STXBP5L: variants seen among roughly 807,000 people sequenced by gnomAD.
The protein encoded by STXBP5L is syntaxin-binding protein 5-like.
In STXBP5L, 65 loss-of-function variants were observed where a neutral mutation model predicts 144.5. That is an observed-to-expected ratio of 0.45 (90% CI 0.37 to 0.55). The LOEUF (loss-of-function observed/expected upper bound fraction) is 0.55. STXBP5L is among the 20% of genes least tolerant of loss of function. The probability of loss-of-function intolerance (pLI) is 0.00; values close to 1 mark genes in which losing one functional copy is unlikely to be tolerated. For synonymous variants in STXBP5L, 505 were observed against 469.6 expected, an observed-to-expected ratio of 1.08 and a Z score of -0.97; for missense variants, 1,298 against 1,405.5, an observed-to-expected ratio of 0.92 and a Z score of 1.22.
intron 20 of STXBP5L, among the ~76,000 whole-genome samples, chr3:121,325,195 G>C (rs532503392): frequency 6.6e-6 from 1 of 151,848 alleles, no homozygotes; most frequent in East Asian, 1.9e-4. Context: ...AGGCATTATC[G>C]CAAAATGACT....
intron 3 of STXBP5L, among the ~76,000 whole-genome samples, chr3:121,035,930 T>C (rs188143492): frequency 3.7e-4 from 56 of 152,346 alleles, no homozygotes; most frequent in African/African-American, 1.3e-3. Context: ...TGAACAGGTC[T>C]TAAAACATCT....
intron 19 of STXBP5L, among the ~76,000 whole-genome samples, chr3:121,288,252 A>G (rs1208244737): frequency 6.6e-6 from 1 of 152,188 alleles, no homozygotes; most frequent in Admixed American, 6.5e-5. Flanking sequence ...ATGGGCATTT[A>G]GACTGATTCC....
At chr3:121,043,420 A>T (rs1947293137) in intron 4 of STXBP5L, among the ~76,000 whole-genome samples, 1 of 152,078 alleles carries the variant, frequency 6.6e-6, no homozygotes, top group African/African-American at 2.4e-5. Flanking sequence ...TCACAGAATT[A>T]AGAATACTGG....
chr3:121,111,131 C>T (rs1365832387), intron 5 of STXBP5L, among the ~76,000 whole-genome samples: 1 of 152,178 alleles, frequency 6.6e-6, no homozygotes, highest in Non-Finnish European at 1.5e-5. Flanking sequence ...TGGTTAACAG[C>T]TCCTGTAATG....
intron 2 of STXBP5L, among the ~76,000 whole-genome samples, chr3:120,947,366 C>G (rs1357408196): frequency 1.3e-5 from 2 of 151,738 alleles, no homozygotes; most frequent in Admixed American, 1.3e-4. Context: ...TTGAAATCAA[C>G]TAGGTACCCC....
At chr3:121,000,355 C>T (rs115668638) in intron 3 of STXBP5L, among the ~76,000 whole-genome samples, 2,313 of 152,130 alleles carry the variant, frequency 0.015, 31 homozygotes, top group Non-Finnish European at 0.021. Context: ...ATTTGAAGAG[C>T]CAGTCTTTGA....
intron 6 of STXBP5L, among the ~76,000 whole-genome samples, chr3:121,118,782 TA>T (rs1430152406): frequency 2.0e-5 from 3 of 151,504 alleles, no homozygotes; most frequent in Admixed American, 6.6e-5. Context: ...AGGGAAAAAT[TA>T]AAGATGACTT....
chr3:121,083,175 G>T (rs2042329054), intron 5 of STXBP5L, among the ~76,000 whole-genome samples: 1 of 151,914 alleles, frequency 6.6e-6, no homozygotes, highest in South Asian at 2.1e-4. Flanking sequence ...CTCCAGCCTG[G>T]CAACAGAGCA....
intron 22 of STXBP5L, among the ~76,000 whole-genome samples, chr3:121,397,931 G>A (rs542250944): frequency 5.5e-4 from 84 of 152,326 alleles, no homozygotes; most frequent in Middle Eastern, 3.4e-3. Flanking sequence ...TGATTGAAAT[G>A]TCCACTCCTG....
At chr3:120,919,384 T>C (rs1010687032) in intron 2 of STXBP5L, among the ~76,000 whole-genome samples, 28 of 152,060 alleles carry the variant, frequency 1.8e-4, no homozygotes, top group African/African-American at 6.3e-4. Context: ...TAAATATACT[T>C]GAAGAACTGA....
intron 5 of STXBP5L, among the ~76,000 whole-genome samples, chr3:121,079,068 G>A (rs191107888): frequency 3.0e-4 from 46 of 152,344 alleles, no homozygotes; most frequent in Middle Eastern, 3.4e-3. Context: ...CAGAGGAGGC[G>A]CCCAGAGCGA....
At chr3:120,958,479 C>A (rs1289600077) in intron 3 of STXBP5L, among the ~76,000 whole-genome samples, 1 of 151,092 alleles carries the variant, frequency 6.6e-6, no homozygotes, top group African/African-American at 2.4e-5. Context: ...AGACCAGTAT[C>A]CCTGATGAAG....
chr3:121,004,505 A>G (rs531720459), intron 3 of STXBP5L, among the ~76,000 whole-genome samples: 1 of 151,688 alleles, frequency 6.6e-6, no homozygotes, highest in Non-Finnish European at 1.5e-5. Context: ...AACAGGGACA[A>G]TTTGACTTCC....
chr3:121,408,438 A>G (rs2047043687), intron 23 of STXBP5L, among the ~76,000 whole-genome samples: 1 of 151,938 alleles, frequency 6.6e-6, no homozygotes, highest in Non-Finnish European at 1.5e-5. Context: ...CTCACTGTCT[A>G]ACTTGGGAGA....
At chr3:121,326,803 G>A (rs193192067) in intron 20 of STXBP5L, among the ~76,000 whole-genome samples, 1 of 152,020 alleles carries the variant, frequency 6.6e-6, no homozygotes, top group Non-Finnish European at 1.5e-5. Context: ...AATATCCATG[G>A]CCTGAAGAGA....
At chr3:120,947,883 T>A (rs940296414) in intron 2 of STXBP5L, among the ~76,000 whole-genome samples, 4 of 151,866 alleles carry the variant, frequency 2.6e-5, no homozygotes, top group African/African-American at 7.2e-5. Flanking sequence ...TTGTTTCTTT[T>A]TGGCTGCTAT....
chr3:121,227,818 T>G (rs2049168878), intron 11 of STXBP5L, among the ~76,000 whole-genome samples: 1 of 152,122 alleles, frequency 6.6e-6, no homozygotes, highest in Non-Finnish European at 1.5e-5. Flanking sequence ...TTATACAATT[T>G]TACACTTTTT....
At chr3:121,252,231 C>A (rs1311703383) in intron 15 of STXBP5L, among the ~76,000 whole-genome samples, 1 of 151,848 alleles carries the variant, frequency 6.6e-6, no homozygotes, top group African/African-American at 2.4e-5. Context: ...CTGGGTGTGG[C>A]AGCATGCGCC....
chr3:121,001,661 C>T (rs1249847645), intron 3 of STXBP5L, among the ~76,000 whole-genome samples: 1 of 152,158 alleles, frequency 6.6e-6, no homozygotes, highest in South Asian at 2.1e-4. Context: ...CTATTTAACT[C>T]ATTCTTTCTC....
Sources: gnomAD v4.1 joint callset for allele counts (sites outside exome capture counted in the v4.1 genomes callset) on GRCh38, gnomAD v4.1.1 for gene constraint, MANE v1.5 for transcripts, NCBI Gene and HGNC (gene_info 2026-07-23, HGNC 2026-07-21) for gene names.